ADAMTS12: variants seen among roughly 807,000 people sequenced by gnomAD.
ADAMTS12 encodes A disintegrin and metalloproteinase with thrombospondin motifs 12.
In ADAMTS12, 118 loss-of-function variants were observed where a neutral mutation model predicts 167.8. The observed-to-expected ratio is 0.70, with a 90% CI of 0.61 to 0.82. The LOEUF is 0.82. ADAMTS12 is among the 40% of genes least tolerant of loss of function. The pLI is 0.00. For synonymous variants in ADAMTS12, 704 were observed against 716.9 expected, an observed-to-expected ratio of 0.98 and a Z score of 0.29; for missense variants, 1,916 against 1,998.8, an observed-to-expected ratio of 0.96 and a Z score of 0.79.
chr5:33,559,129 G>C (rs573831059), intron 20 of ADAMTS12, among the ~76,000 whole-genome samples: 4 of 152,160 alleles, frequency 2.6e-5, no homozygotes, highest in Admixed American at 2.6e-4. Flanking sequence ...TGTCTGTCTG[G>C]GGACATGAGC....
intron 2 of ADAMTS12, among the ~76,000 whole-genome samples, chr5:33,755,180 C>T (rs938410030): frequency 4.6e-5 from 7 of 152,148 alleles, no homozygotes; most frequent in East Asian, 3.8e-4. Flanking sequence ...ATTTGATATA[C>T]GCACAAACAC....
chr5:33,638,812 A>T (rs1740311406), intron 11 of ADAMTS12, among the ~76,000 whole-genome samples: 1 of 152,182 alleles, frequency 6.6e-6, no homozygotes, highest in Non-Finnish European at 1.5e-5. Context: ...TAGAAAAATC[A>T]CTTTTTGATT....
At chr5:33,791,510 A>ACT (rs1464780388) in intron 2 of ADAMTS12, among the ~76,000 whole-genome samples, 1 of 152,234 alleles carries the variant, frequency 6.6e-6, no homozygotes, top group Non-Finnish European at 1.5e-5. Flanking sequence ...TAAAAAAAGA[A>ACT]CTAGGAAAAG....
At position 33,718,844 on chromosome 5, in the gene ADAMTS12, G is replaced by T. The variant is rs180743825; in HGVS notation, c.634+32560C>A. Reference sequence around the variant, plus strand: ...CTAACGACGGGCACCTGAAAATATTGCATGCACTTGCCTAGGTACTTGGTT... The same window carrying T: ...CTAACGACGGGCACCTGAAAATATTTCATGCACTTGCCTAGGTACTTGGTT... On this transcript the variant is annotated intron_variant, in intron 3 of 23. Coordinates refer to ENST00000504830, the MANE Select transcript of ADAMTS12 (RefSeq NM_030955.4). 3.6e-3 allele frequency among the ~76,000 whole-genome samples: 541 copies of T among 152,280 alleles called. 3 individuals are homozygous for T. Among genetic ancestry groups the T allele is most frequent in the African/African-American group, 0.013 (527 of 41,562 alleles).
intron 2 of ADAMTS12, among the ~76,000 whole-genome samples, chr5:33,754,497 C>T (rs734118): frequency 0.15 from 22,923 of 152,218 alleles, 2,320 homozygotes; most frequent in East Asian, 0.55. Context: ...GGAGTCTCTG[C>T]ATACTGCTAA....
chr5:33,546,962 G>A (rs1306218216), intron 21 of ADAMTS12, among the ~76,000 whole-genome samples: 2 of 152,188 alleles, frequency 1.3e-5, no homozygotes, highest in Admixed American at 6.5e-5. Context: ...ATCACATCAG[G>A]TAGTATGTGT....
At chr5:33,761,412 G>A (rs886897786) in intron 2 of ADAMTS12, among the ~76,000 whole-genome samples, 9 of 152,222 alleles carry the variant, frequency 5.9e-5, no homozygotes, top group African/African-American at 2.2e-4. Context: ...AATGATTTGT[G>A]GCAGAGGGGA....
intron 2 of ADAMTS12, among the ~76,000 whole-genome samples, chr5:33,866,462 A>T (rs932628685): frequency 3.9e-5 from 6 of 152,198 alleles, no homozygotes; most frequent in African/African-American, 1.4e-4. Context: ...TGGATCAAAG[A>T]CTTAAATTTA....
chr5:33,613,570 G>A (rs2112090589), intron 16 of ADAMTS12, among the ~76,000 whole-genome samples: 1 of 152,292 alleles, frequency 6.6e-6, no homozygotes, highest in African/African-American at 2.4e-5. Context: ...GGGGCAAGCT[G>A]GAAGCCATGT....
intron 1 of ADAMTS12, chr5:33,891,390 G>C (rs1234011161): frequency 4.6e-6 from 1 of 217,832 alleles, no homozygotes; most frequent in East Asian, 1.0e-4. Flanking sequence ...TCCATGTTTA[G>C]AGTCTGAAAA....
At chr5:33,762,235 G>A (rs1456374733) in intron 2 of ADAMTS12, among the ~76,000 whole-genome samples, 8 of 149,914 alleles carry the variant, frequency 5.3e-5, no homozygotes, top group Non-Finnish European at 1.0e-4. Flanking sequence ...GAGGCTGGGC[G>A]CAGTGGCTCA....
chr5:33,665,201 A>G (rs997032048), intron 5 of ADAMTS12, among the ~76,000 whole-genome samples: 14 of 152,190 alleles, frequency 9.2e-5, no homozygotes, highest in African/African-American at 3.4e-4. Context: ...TGGAATCTAT[A>G]AAAGTAAAAC....
intron 3 of ADAMTS12, among the ~76,000 whole-genome samples, chr5:33,709,882 G>A (rs1479311209): frequency 6.6e-6 from 1 of 151,910 alleles, no homozygotes; most frequent in African/African-American, 2.4e-5. Flanking sequence ...AAAAAAACAA[G>A]TCAAAATCCA....
intron 2 of ADAMTS12, among the ~76,000 whole-genome samples, chr5:33,838,401 G>C (rs1038706332): frequency 6.6e-6 from 1 of 152,168 alleles, no homozygotes; most frequent in African/African-American, 2.4e-5. Flanking sequence ...AGCAGAACTA[G>C]GCCAGGCACG....
Position 33,771,564 on chromosome 5 carries a change from T to C in ADAMTS12, c.490-20016A>G, listed in dbSNP as rs1451031485. The stretch of plus-strand genomic sequence containing the variant: ...TTCTTTTATTAAAAATAAATATCCA[T>C]ACAGCAAAAATAGAATTTGTTTAAC... On this transcript the variant is annotated intron_variant, in intron 2 of 23. Transcript: ENST00000504830. Among the ~76,000 whole-genome samples the C allele has an allele frequency of 3.3e-5, 5 of 152,240 alleles. No individual in the cohort carries two copies. In the East Asian group the frequency reaches 7.7e-4, roughly 23 times the overall value.
intron 13 of ADAMTS12, among the ~76,000 whole-genome samples, chr5:33,627,496 T>C (rs1487711133): frequency 6.7e-6 from 1 of 148,656 alleles, no homozygotes; most frequent in Non-Finnish European, 1.5e-5. Flanking sequence ...GGGGTGATGG[T>C]GATGATGGTG....
intron 16 of ADAMTS12, among the ~76,000 whole-genome samples, chr5:33,600,058 T>G (rs1405728823): frequency 6.6e-6 from 1 of 152,254 alleles, no homozygotes; most frequent in African/African-American, 2.4e-5. Context: ...TAATTAAGGA[T>G]GCCAATCAAT....
intron 16 of ADAMTS12, among the ~76,000 whole-genome samples, chr5:33,598,117 G>A (rs1473518698): frequency 6.6e-6 from 1 of 152,166 alleles, no homozygotes; most frequent in Non-Finnish European, 1.5e-5. Flanking sequence ...ATGTCATCAA[G>A]GGCAAAAGGA....
intron 15 of ADAMTS12, among the ~76,000 whole-genome samples, chr5:33,614,695 G>A (rs1038535981): frequency 6.6e-6 from 1 of 152,170 alleles, no homozygotes; most frequent in Admixed American, 6.5e-5. Context: ...CTGTGGAAAT[G>A]GCAAGGAGTA....
Sources: gnomAD v4.1 joint callset for allele counts (sites outside exome capture counted in the v4.1 genomes callset) on GRCh38, gnomAD v4.1.1 for gene constraint, MANE v1.5 for transcripts, NCBI Gene and HGNC (gene_info 2026-07-23, HGNC 2026-07-21) for gene names.